PARVB: variants seen among roughly 807,000 people sequenced by gnomAD.
PARVB encodes the protein parvin beta.
A neutral mutation model predicts 47.0 loss-of-function variants in PARVB; 46 were observed. The observed-to-expected ratio is 0.98, with a 90% CI of 0.77 to 1.25. The LOEUF is 1.25. Ranked by LOEUF, PARVB falls within the 50% of genes most tolerant of loss-of-function variation. The probability of loss-of-function intolerance (pLI) is 0.00; values close to 1 mark genes in which losing one functional copy is unlikely to be tolerated. For synonymous variants in PARVB, 196 were observed against 196.3 expected (o/e 1.00, Z 0.01); for missense variants, 473 against 471.6 (o/e 1.00, Z -0.03).
intron 1 of PARVB, among the ~76,000 whole-genome samples, chr22:44,071,067 G>A (rs1320545077): frequency 1.3e-5 from 2 of 152,242 alleles, no homozygotes; most frequent in South Asian, 2.1e-4. Flanking sequence ...TCACTCCAGC[G>A]ACATTTCCCA....
chr22:44,073,018 C>A (rs1352693603), intron 1 of PARVB, among the ~76,000 whole-genome samples: 4 of 152,166 alleles, frequency 2.6e-5, no homozygotes, highest in Admixed American at 2.6e-4. Flanking sequence ...CAGAGCAGGG[C>A]CTGTATCTAA....
chr22:44,062,753 C>CTG (rs940040565), intron 1 of PARVB, among the ~76,000 whole-genome samples: 5 of 152,184 alleles, frequency 3.3e-5, no homozygotes, highest in Non-Finnish European at 7.3e-5. Context: ...AGGGTGAGGC[C>CTG]TGGGAGGGCC....
intron 1 of PARVB, among the ~76,000 whole-genome samples, chr22:44,085,636 C>G (rs2052007065): frequency 1.3e-5 from 2 of 152,238 alleles, no homozygotes; most frequent in East Asian, 3.8e-4. Context: ...AAAATCTCAA[C>G]ACCATGCTAT....
intron 4 of PARVB, chr22:44,119,991 G>T: frequency 2.4e-6 from 1 of 411,300 alleles, no homozygotes; most frequent in South Asian, 1.8e-5. Context: ...TTCTCACGAT[G>T]CCTGGCACTG....
intron 1 of PARVB, among the ~76,000 whole-genome samples, chr22:44,082,543 C>CA (rs1255694263): frequency 2.0e-5 from 3 of 151,936 alleles, no homozygotes; most frequent in Non-Finnish European, 4.4e-5. Context: ...AAACAAAAAA[C>CA]AAAAAACAAA....
In PARVB at chr22:44,068,364, C is replaced by T. The variant is rs1263512280; in HGVS notation, c.113-25564C>T. On this transcript the variant is annotated intron_variant, in intron 1 of 12. Transcript: ENST00000338758. The surrounding 1 kb of genome is among the most constrained non-coding windows in gnomAD (Gnocchi z 4.1). ...GTCACCTGGTAGGGAGGGGCTGGGCCTGGTGTTATAAACCAGGAGAGGGTT... is the reference window on the plus strand; with the variant it reads ...GTCACCTGGTAGGGAGGGGCTGGGCTTGGTGTTATAAACCAGGAGAGGGTT... 6.6e-6 allele frequency among the ~76,000 whole-genome samples: 1 copy of T among 152,126 alleles called. No homozygotes were observed. The highest frequency in any genetic ancestry group is 2.4e-5 in the African/African-American group (1 of 41,426).
In PARVB at chr22:44,053,153, G is replaced by A. The variant is rs570051167; in HGVS notation, c.112+28702G>A. Among the ~76,000 whole-genome samples the A allele has an allele frequency of 3.1e-3, 447 of 145,576 alleles. 1 individual carries two copies. Among genetic ancestry groups the A allele is most frequent in the Non-Finnish European group, 4.8e-3 (322 of 66,818 alleles). On this transcript the variant is annotated intron_variant, in intron 1 of 12. Transcript: ENST00000338758. ...GGCTGGAGTGCATTAGTGTGATCTC[G>A]GCTCACTGCAACCTCTGCCTCCTGG...
rs532320449 is a variant in PARVB at position 44,016,101 on chromosome 22, T to TTC, written c.211+16429_211+16430insCT. Reference sequence around the variant, plus strand: ...TTTTTCTTTTTCTTTCTTTCTTTCTTTTTTTTTTTTTTTGAGATGGAGTCT... The same window carrying TTC: ...TTTTTCTTTTTCTTTCTTTCTTTCTTTCTTTTTTTTTTTTTGAGATGGAGTCT... On this transcript the variant is annotated intron_variant, in intron 2 of 13. Transcript: ENST00000406477. Among the ~76,000 whole-genome samples, 131 of 145,316 alleles carry TTC rather than the reference T, an allele frequency of 9.0e-4. 2 individuals are homozygous for TTC. The South Asian group carries it at 0.02, about 22-fold the overall frequency.
chr22:44,075,345 T>C lies in PARVB; in HGVS notation c.113-18583T>C, dbSNP rs978283800. On this transcript the variant is annotated intron_variant, in intron 1 of 12. Transcript: ENST00000338758. ...GAGCACTTTTAAGTTCACAGCAGAA[T>C]TGAGTGGAAGGTGCAGAGATTTCCC... Among the ~76,000 whole-genome samples, 5 of 152,308 alleles carry C rather than the reference T, an allele frequency of 3.3e-5. No individual in the cohort carries two copies. The South Asian group carries it at 8.3e-4, about 25-fold the overall frequency.
rs532567177 is a variant in PARVB at position 44,120,658 on chromosome 22, T to TA, written c.376+1525dup. On this transcript the variant is annotated intron_variant, in intron 4 of 12. Transcript: ENST00000338758. ...CATTGTAAAGGTGCTTCTTTCCTGT[T>TA]AAAAAAACCACTTTTTTATTTGTTC... 6.4e-4 allele frequency among the ~76,000 whole-genome samples: 98 copies of TA among 152,194 alleles called. 1 individual carries two copies. The Middle Eastern group carries it at 0.024, about 37-fold the overall frequency.
chr22:44,051,423 G>A lies in PARVB; in HGVS notation c.112+26972G>A, dbSNP rs963756183. ...CTGGCGCCTGGCTGGCCTCAGTGAAGCCCTTCAGTCCCAGCTCTGACCATG... is the reference window on the plus strand; with the variant it reads ...CTGGCGCCTGGCTGGCCTCAGTGAAACCCTTCAGTCCCAGCTCTGACCATG... On this transcript the variant is annotated intron_variant, in intron 1 of 12. Transcript: ENST00000338758. 7.2e-5 allele frequency among the ~76,000 whole-genome samples: 11 copies of A among 152,158 alleles called. No homozygotes were observed. In the South Asian group the frequency reaches 2.3e-3, roughly 32 times the overall value.
At position 44,140,129 on chromosome 22, in the gene PARVB, T is replaced by A. The variant is rs746649653; in HGVS notation, c.698T>A (p.Met233Lys). Residue 233 changes from methionine (M) to lysine (K), a missense_variant, in exon 8 of 13, where the codon ATG becomes AAG. Physicochemically the swap from Met to Lys is moderately conservative, Grantham distance 95. Coordinates refer to ENST00000338758, the MANE Select transcript of PARVB (RefSeq NM_013327.5). Reference protein sequence around the residue: ...SEELTTTTEMMMGRFERDAFD... With the variant: ...SEELTTTTEMKMGRFERDAFD... ...CTCTGTGTTCTTGTTTGCAGGATGA[T>A]GATGGGCCGGTTCGGTAAGTAACCC... 43 of 1,591,812 alleles carry A rather than the reference T, an allele frequency of 2.7e-5. No individual in the cohort carries two copies. The highest frequency in any genetic ancestry group is 3.6e-5 in the Non-Finnish European group (42 of 1,170,514).
At chr22:44,093,868 A>G (rs959137937) in intron 1 of PARVB, 60 bp from the exon 2 acceptor site, 10 of 1,036,336 alleles carry the variant, frequency 9.6e-6, no homozygotes, top group Non-Finnish European at 1.3e-5. Flanking sequence ...CACAGCCAAC[A>G]TGTGAGGCCA....
chr22:44,066,291 G>A (rs368848652), intron 1 of PARVB, among the ~76,000 whole-genome samples: 4 of 152,266 alleles, frequency 2.6e-5, no homozygotes, highest in East Asian at 1.9e-4. Context: ...ATACTGAAGG[G>A]CCTTTCTCCC....
chr22:44,045,641 A>G (rs144669170), intron 1 of PARVB, among the ~76,000 whole-genome samples: 2 of 151,844 alleles, frequency 1.3e-5, no homozygotes, highest in African/African-American at 4.8e-5. Context: ...GTGGGCTGGG[A>G]CTCTCCCATC....
chr22:44,088,494 C>T (rs1276596259), intron 1 of PARVB, among the ~76,000 whole-genome samples: 4 of 152,106 alleles, frequency 2.6e-5, no homozygotes, highest in East Asian at 1.9e-4. Flanking sequence ...TTGAGACAGA[C>T]GGAGTCTCGC....
At chr22:44,020,960 T>C (rs1257381695), upstream of PARVB, among the ~76,000 whole-genome samples, 2 of 152,164 alleles carry the variant, frequency 1.3e-5, no homozygotes, top group Non-Finnish European at 2.9e-5. Context: ...TTTGTATTTT[T>C]AGTAGTGACG....
chr22:44,080,912 G>A (rs1297159199), intron 1 of PARVB, among the ~76,000 whole-genome samples: 1 of 152,192 alleles, frequency 6.6e-6, no homozygotes, highest in Non-Finnish European at 1.5e-5. Context: ...CTGTAGCACA[G>A]ATGTGCCTTA....
At chr22:44,087,558 C>T (rs902535112) in intron 1 of PARVB, among the ~76,000 whole-genome samples, 3 of 152,108 alleles carry the variant, frequency 2.0e-5, no homozygotes, top group African/African-American at 7.2e-5. Context: ...TTCTTCTCTC[C>T]GTTAAGGTAA....
Sources: allele counts gnomAD v4.1 joint callset (sites outside exome capture counted in the v4.1 genomes callset), GRCh38; gene constraint gnomAD v4.1.1; non-coding constraint Gnocchi (gnomAD v3.1); transcripts MANE v1.5; gene names NCBI Gene and HGNC (gene_info 2026-07-23, HGNC 2026-07-21).